Variants in PKHD1 observed in about 807,000 individuals in gnomAD.
PKHD1 encodes fibrocystin.
PKHD1 carries 291 observed loss-of-function variants against 412.0 expected under a neutral mutation model. The ratio of observed to expected loss-of-function variants is 0.71; its 90% CI spans 0.64 to 0.78. PKHD1 has a LOEUF of 0.78. PKHD1 is among the 30% of genes least tolerant of loss of function. PKHD1 has a pLI of 0.00. For missense variants in PKHD1, 4,825 were observed against 4,950.7 expected, an observed-to-expected ratio of 0.97 and a Z score of 0.76; for synonymous variants, 1,777 against 1,821.5, an observed-to-expected ratio of 0.98 and a Z score of 0.62.
chr6:51,809,188 CCTTTT>C (rs1764299220), intron 52 of PKHD1, among the ~76,000 whole-genome samples: 1 of 151,986 alleles, frequency 6.6e-6, no homozygotes, highest in African/African-American at 2.4e-5. Context: ...TCTTGTATTT[CCTTTT>C]GATTCCTTTA....
At chr6:51,972,251 T>C (rs1650460924) in intron 35 of PKHD1, among the ~76,000 whole-genome samples, 1 of 152,262 alleles carries the variant, frequency 6.6e-6, no homozygotes, top group South Asian at 2.1e-4. Flanking sequence ...TCTGTACCTA[T>C]ATCTTCACTA....
intron 60 of PKHD1, chr6:51,721,502 G>T: frequency 1.1e-6 from 1 of 939,648 alleles, no homozygotes; most frequent in Non-Finnish European, 1.3e-6. Flanking sequence ...CTTTATTCCA[G>T]ATAATTTATA....
intron 52 of PKHD1, among the ~76,000 whole-genome samples, chr6:51,803,891 A>T (rs537854866): frequency 2.0e-5 from 3 of 151,362 alleles, no homozygotes; most frequent in South Asian, 4.2e-4. Flanking sequence ...TATTATTAGT[A>T]GAGATGGGGT....
Position 51,887,151 on chromosome 6 carries a change from A to T in PKHD1, c.7091T>A (p.Ile2364Asn), listed in dbSNP as rs76260483. 1,353 of 1,609,162 alleles carry T rather than the reference A, an allele frequency of 8.4e-4. 50 individuals are homozygous for T. In the East Asian group the frequency reaches 0.03, roughly 35 times the overall value. ...QAPLLSFTQN[I>N]AHSCTRYGLF... ...AAGTTACCTGGTACAAGAATGTGCA[A>T]TGTTCTGAGTGAAGGAAAGAAGCGG... is the stretch of plus-strand genomic sequence containing the variant. Residue 2364 changes from isoleucine (I) to asparagine (N), a missense_variant, in exon 44 of 67, where the codon ATT becomes AAT. Coordinates refer to ENST00000371117, the MANE Select transcript of PKHD1 (RefSeq NM_138694.4).
At chr6:51,797,574 G>T (rs561220289) in intron 52 of PKHD1, among the ~76,000 whole-genome samples, 1 of 152,198 alleles carries the variant, frequency 6.6e-6, no homozygotes, top group African/African-American at 2.4e-5. Flanking sequence ...TGTCTTATTT[G>T]ATTTTTGTTG....
chr6:51,734,117 A>C (rs1428883164), intron 60 of PKHD1, among the ~76,000 whole-genome samples: 1 of 152,246 alleles, frequency 6.6e-6, no homozygotes, highest in Non-Finnish European at 1.5e-5. Context: ...TAGTATGAAC[A>C]GGTATTCTCT....
At chr6:51,818,031 A>T (rs2151435905) in intron 52 of PKHD1, among the ~76,000 whole-genome samples, 1 of 152,322 alleles carries the variant, frequency 6.6e-6, no homozygotes, top group East Asian at 1.9e-4. Flanking sequence ...CCAGACACTA[A>T]ATTGCAATCA....
chr6:51,699,322 G>C (rs1779149388), intron 60 of PKHD1, among the ~76,000 whole-genome samples: 1 of 152,124 alleles, frequency 6.6e-6, no homozygotes, highest in Non-Finnish European at 1.5e-5. Context: ...ACGCTACGCA[G>C]TTGCAATCAT....
At chr6:51,766,145 CAT>C (rs1788959028) in intron 55 of PKHD1, among the ~76,000 whole-genome samples, 1 of 152,050 alleles carries the variant, frequency 6.6e-6, no homozygotes, top group Non-Finnish European at 1.5e-5. Flanking sequence ...GTTTGACAAA[CAT>C]AAGCATTTGT....
At chr6:51,626,308 A>G (rs1767234151) in intron 66 of PKHD1, among the ~76,000 whole-genome samples, 1 of 152,172 alleles carries the variant, frequency 6.6e-6, no homozygotes, top group Non-Finnish European at 1.5e-5. Context: ...GCCCATGGAA[A>G]TTATATGAAT....
At chr6:52,016,087 G>A (rs532456556) in intron 34 of PKHD1, among the ~76,000 whole-genome samples, 4 of 152,262 alleles carry the variant, frequency 2.6e-5, no homozygotes, top group Admixed American at 6.5e-5. Context: ...GCATCAGTAA[G>A]TTCTGAAATC....
chr6:51,900,208 G>A (rs375173680), intron 43 of PKHD1, among the ~76,000 whole-genome samples: 15 of 152,102 alleles, frequency 9.9e-5, no homozygotes, highest in South Asian at 4.1e-4. Context: ...AGCCCGCATC[G>A]CCAAGTCAAT....
chr6:51,992,582 C>A (rs773823382), intron 35 of PKHD1, among the ~76,000 whole-genome samples: 1 of 152,170 alleles, frequency 6.6e-6, no homozygotes, highest in African/African-American at 2.4e-5. Context: ...GCCACCAGTA[C>A]AGGGAAATTT....
chr6:51,630,981 T>C (rs1767853872), intron 65 of PKHD1, among the ~76,000 whole-genome samples: 1 of 152,060 alleles, frequency 6.6e-6, no homozygotes, highest in Non-Finnish European at 1.5e-5. Flanking sequence ...ACTGAAGTAA[T>C]AGATATATTT....
intron 52 of PKHD1, among the ~76,000 whole-genome samples, chr6:51,816,130 G>A (rs531004668): frequency 6.6e-6 from 1 of 151,864 alleles, no homozygotes; most frequent in Non-Finnish European, 1.5e-5. Context: ...TTAATAAATT[G>A]CTAATTACAC....
chr6:52,064,189 C>T (rs1285838866), intron 13 of PKHD1, among the ~76,000 whole-genome samples: 2 of 152,224 alleles, frequency 1.3e-5, no homozygotes, highest in African/African-American at 2.4e-5. Context: ...AGTTGACTCT[C>T]GCTGCCTGTA....
At chr6:52,050,790 A>G (rs1464336668) in intron 21 of PKHD1, among the ~76,000 whole-genome samples, 1 of 152,202 alleles carries the variant, frequency 6.6e-6, no homozygotes, top group Non-Finnish European at 1.5e-5. Flanking sequence ...AAGAGAGACC[A>G]CTGGTCAAAT....
In PKHD1 at chr6:51,659,044, G is replaced by T; in HGVS notation, c.11082C>A (p.Ile3694=). The T allele has an allele frequency of 6.2e-7, 1 of 1,612,712 alleles. No individual in the cohort carries two copies. Among genetic ancestry groups the T allele is most frequent in the Non-Finnish European group, 8.5e-7 (1 of 1,178,816 alleles). Residue 3694 remains isoleucine, a synonymous_variant, in exon 61 of 67, where the codon ATC becomes ATA. Coordinates refer to ENST00000371117, the MANE Select transcript of PKHD1 (RefSeq NM_138694.4). ...CTAGTACCCCAGTCTGTTGAGCAGT[G>T]ATGACTCGATGAGCCAAATTCTGTA... ...NKLQNLAHRV[I]TAQQTGVLEN...
chr6:51,906,615 G>A (rs1782140799), intron 40 of PKHD1, among the ~76,000 whole-genome samples: 1 of 152,022 alleles, frequency 6.6e-6, no homozygotes, highest in Non-Finnish European at 1.5e-5. Flanking sequence ...AGAACTCATG[G>A]CTGTCAAGAT....
Sources: allele counts gnomAD v4.1 joint callset (sites outside exome capture counted in the v4.1 genomes callset), GRCh38; gene constraint gnomAD v4.1.1; transcripts MANE v1.5; gene names NCBI Gene and HGNC (gene_info 2026-07-23, HGNC 2026-07-21).